The following NRG3 variants were observed in gnomAD, a reference collection of about 807,000 sequenced individuals.
NRG3 encodes neuregulin 3, also known as pro-neuregulin-3, membrane-bound isoform.
A neutral mutation model predicts 66.9 loss-of-function variants in NRG3; 31 were observed. The ratio of observed to expected loss-of-function variants is 0.46; its 90% confidence interval spans 0.35 to 0.63. The LOEUF is 0.63. Among genes scored for constraint, NRG3 ranks in the 20% least tolerant of loss-of-function variants. NRG3 has a pLI of 0.00. For missense variants in NRG3, 910 were observed against 878.9 expected, an observed-to-expected ratio of 1.04 and a Z score of -0.45; for synonymous variants, 393 against 359.4, an observed-to-expected ratio of 1.09 and a Z score of -1.06.
intron 2 of NRG3, among the ~76,000 whole-genome samples, chr10:82,402,912 G>A (rs1028742762): frequency 1.3e-5 from 2 of 152,234 alleles, no homozygotes; most frequent in Non-Finnish European, 2.9e-5. Context: ...AGAAATGACA[G>A]CTGAAATGTA....
chr10:82,248,832 G>A (rs1284939661), intron 1 of NRG3, among the ~76,000 whole-genome samples: 3 of 152,050 alleles, frequency 2.0e-5, no homozygotes, highest in Admixed American at 1.3e-4. Flanking sequence ...ATTCATATTT[G>A]CATTCTATAT....
intron 2 of NRG3, among the ~76,000 whole-genome samples, chr10:82,502,176 TG>T (rs1445976384): frequency 5.3e-5 from 8 of 152,284 alleles, no homozygotes; most frequent in African/African-American, 1.4e-4. Flanking sequence ...TTTTTTTGTT[TG>T]TTTTTTTGTG....
intron 1 of NRG3, among the ~76,000 whole-genome samples, chr10:82,197,212 C>A (rs1489356513): frequency 6.6e-6 from 1 of 152,088 alleles, no homozygotes. Flanking sequence ...TCACATAGCA[C>A]CAGGCACATA....
rs146841998 is a variant in NRG3, at chr10:82,020,287, A to T, written c.823+144124A>T. 1.7e-3 allele frequency among the ~76,000 whole-genome samples: 266 copies of T among 152,230 alleles called. 1 individual carries two copies. The highest frequency in any genetic ancestry group is 6.1e-3 in the African/African-American group (254 of 41,570). ...ATTTGTAGAATATTTTGTAATTTTC[A>T]CTTCTCCTTTCCATAAACTGCCTTG... On this transcript the variant is annotated intron_variant, in intron 1 of 8. Transcript: ENST00000372141.
intron 2 of NRG3, among the ~76,000 whole-genome samples, chr10:82,722,237 T>A (rs767537822): frequency 6.6e-6 from 1 of 152,238 alleles, no homozygotes; most frequent in Non-Finnish European, 1.5e-5. Flanking sequence ...AAACATGCTC[T>A]TTATTATTTC....
rs534917910 is a variant in NRG3, at chr10:82,564,866, C to T, written c.954-173711C>T. Among the ~76,000 whole-genome samples the T allele has an allele frequency of 9.9e-5, 15 of 152,230 alleles. No homozygotes were observed. In the South Asian group the frequency reaches 2.9e-3, roughly 29 times the overall value. On this transcript the variant is annotated intron_variant, in intron 2 of 8. Transcript: ENST00000372141. ...TACTCTTTGTAATATAGAAAGCATA[C>T]AAGACAAAAGGCACCTTCCCAATTT...
chr10:82,573,352 AGTTT>A (rs1167361325), intron 2 of NRG3, among the ~76,000 whole-genome samples: 5 of 151,968 alleles, frequency 3.3e-5, no homozygotes, highest in Admixed American at 2.6e-4. Context: ...ACTTCAGATA[AGTTT>A]GTTTATCAAG....
intron 1 of NRG3, among the ~76,000 whole-genome samples, chr10:82,288,684 G>T (rs145320329): frequency 2.6e-5 from 4 of 152,280 alleles, no homozygotes; most frequent in Admixed American, 6.5e-5. Context: ...CGATCCAGTG[G>T]AATGATGCTG....
chr10:82,815,854 C>G (rs572468178), intron 3 of NRG3, among the ~76,000 whole-genome samples: 1 of 152,300 alleles, frequency 6.6e-6, no homozygotes, highest in South Asian at 2.1e-4. Context: ...TGTGGGCAAG[C>G]AAGCACGGAG....
At chr10:81,889,770 A>G (rs1027238918) in intron 1 of NRG3, 1 of 152,164 alleles carries the variant, frequency 6.6e-6, no homozygotes, top group Non-Finnish European at 1.5e-5. Context: ...TTAGATAAAG[A>G]TATATTTTTT....
chr10:82,401,355 A>G lies in NRG3; in HGVS notation c.953+42487A>G, dbSNP rs545312472. ...ATGTATGTATATAAATTATATGTAT[A>G]TATGAATATGTATGTGTATATTCAC... is the stretch of plus-strand genomic sequence containing the variant. On this transcript the variant is annotated intron_variant, in intron 2 of 8. Transcript: ENST00000372141. Among the ~76,000 whole-genome samples, 31 of 151,632 alleles carry G rather than the reference A, an allele frequency of 2.0e-4. No individual in the cohort carries two copies. In the South Asian group the frequency reaches 4.2e-3, roughly 20 times the overall value.
intron 1 of NRG3, among the ~76,000 whole-genome samples, chr10:81,975,894 A>G (rs2060106706): frequency 6.6e-6 from 1 of 152,134 alleles, no homozygotes; most frequent in Non-Finnish European, 1.5e-5. Flanking sequence ...GGTGAAATTC[A>G]GAGATAGATT....
chr10:82,159,177 T>C (rs2071396867), intron 1 of NRG3, among the ~76,000 whole-genome samples: 1 of 151,904 alleles, frequency 6.6e-6, no homozygotes, highest in Admixed American at 6.6e-5. Flanking sequence ...CATTGCTGAT[T>C]GCATAGCTTT....
At chr10:82,807,492 A>G (rs2061338597) in intron 3 of NRG3, among the ~76,000 whole-genome samples, 1 of 152,192 alleles carries the variant, frequency 6.6e-6, no homozygotes, top group Non-Finnish European at 1.5e-5. Flanking sequence ...TGAGTCCAGA[A>G]TACATAATTA....
intron 3 of NRG3, among the ~76,000 whole-genome samples, chr10:82,824,561 T>TAGTA (rs1364210852): frequency 6.6e-6 from 1 of 152,182 alleles, no homozygotes; most frequent in African/African-American, 2.4e-5. Flanking sequence ...ATTCTAGTTA[T>TAGTA]AGTAGTGTGT....
At chr10:82,757,886 T>C (rs931434407) in intron 3 of NRG3, among the ~76,000 whole-genome samples, 1 of 152,120 alleles carries the variant, frequency 6.6e-6, no homozygotes, top group African/African-American at 2.4e-5. Context: ...ATTTATATTT[T>C]AAAATATTTT....
chr10:82,768,070 C>G (rs969716982), intron 3 of NRG3, among the ~76,000 whole-genome samples: 1 of 152,140 alleles, frequency 6.6e-6, no homozygotes, highest in Non-Finnish European at 1.5e-5. Context: ...CACACTCTCT[C>G]AACAGATGGC....
chr10:82,515,566 A>C (rs577165190), intron 2 of NRG3, among the ~76,000 whole-genome samples: 10 of 152,220 alleles, frequency 6.6e-5, no homozygotes, highest in Non-Finnish European at 1.3e-4. Context: ...CAAGTGTAAG[A>C]AGCTTTCAGA....
At position 82,422,412 on chromosome 10, in the gene NRG3, C is replaced by A. The variant is rs1041984471; in HGVS notation, c.953+63544C>A. 2.6e-5 allele frequency among the ~76,000 whole-genome samples: 4 copies of A among 152,054 alleles called. No homozygotes were observed. The East Asian group carries it at 7.7e-4, about 29-fold the overall frequency. On this transcript the variant is annotated intron_variant, in intron 2 of 8. Coordinates refer to ENST00000372141, the MANE Select transcript of NRG3 (RefSeq NM_001010848.4). ...ATCTAATGTGCAATGATTCTCAAAT[C>A]TCTCTGACTGGGAAAGCCCCTGTTA...
Sources: gnomAD v4.1 joint callset for allele counts (sites outside exome capture counted in the v4.1 genomes callset) on GRCh38, gnomAD v4.1.1 for gene constraint, MANE v1.5 for transcripts, NCBI Gene and HGNC (gene_info 2026-07-23, HGNC 2026-07-21) for gene names.